Variants in FRAS1 observed in about 807,000 individuals in gnomAD.
FRAS1 encodes the protein extracellular matrix organizing protein FRAS1.
Under a neutral mutation model 435.2 loss-of-function variants are expected in FRAS1, and 290 were observed. That is an observed-to-expected ratio of 0.67 (90% CI 0.61 to 0.73). The LOEUF (loss-of-function observed/expected upper bound fraction) is 0.73. Ranked by LOEUF, FRAS1 falls within the 30% of genes least tolerant of loss-of-function variation. The pLI, the probability that FRAS1 is intolerant of heterozygous loss-of-function variation, is 0.00. For synonymous variants in FRAS1, 1,800 were observed against 1,851.0 expected (o/e 0.97, Z 0.71); for missense variants, 4,860 against 5,001.5 (o/e 0.97, Z 0.85).
At chr4:78,323,698 C>T (rs549119072) in intron 18 of FRAS1, among the ~76,000 whole-genome samples, 3 of 152,182 alleles carry the variant, frequency 2.0e-5, no homozygotes, top group South Asian at 2.1e-4. Context: ...TGTGGCAGTA[C>T]GTGGCAGCCC....
chr4:78,387,125 A>G (rs1272826850), intron 28 of FRAS1, among the ~76,000 whole-genome samples: 1 of 152,188 alleles, frequency 6.6e-6, no homozygotes, highest in Non-Finnish European at 1.5e-5. Context: ...AGCAGCTCTC[A>G]CCAGTTGTCT....
At chr4:78,392,700 G>A (rs1732495242) in intron 29 of FRAS1, among the ~76,000 whole-genome samples, 3 of 150,650 alleles carry the variant, frequency 2.0e-5, no homozygotes, top group East Asian at 1.9e-4. Context: ...GCCTGCTAAT[G>A]TGGTCCTCTG....
intron 2 of FRAS1, among the ~76,000 whole-genome samples, chr4:78,114,598 T>C (rs1185073182): frequency 1.3e-5 from 2 of 152,106 alleles, no homozygotes; most frequent in East Asian, 1.9e-4. Context: ...CAATTGTGAA[T>C]GGGGGTTCAC....
At chr4:78,533,258 T>A (rs1721777794) in intron 70 of FRAS1, among the ~76,000 whole-genome samples, 1 of 152,256 alleles carries the variant, frequency 6.6e-6, no homozygotes. Context: ...ATCATGTTTT[T>A]CTGTTTCGTC....
At chr4:78,224,724 G>C (rs1304790247) in intron 2 of FRAS1, among the ~76,000 whole-genome samples, 1 of 152,008 alleles carries the variant, frequency 6.6e-6, no homozygotes, top group African/African-American at 2.4e-5. Flanking sequence ...TTGAGATAGG[G>C]TCTCACTATG....
At chr4:78,275,576 C>A (rs1578222027) in intron 9 of FRAS1, among the ~76,000 whole-genome samples, 1 of 152,236 alleles carries the variant, frequency 6.6e-6, no homozygotes, top group South Asian at 2.1e-4. Flanking sequence ...ACTTACGAAG[C>A]TTAGTTTGGC....
At chr4:78,183,797 A>G (rs534573413) in intron 2 of FRAS1, among the ~76,000 whole-genome samples, 2 of 150,218 alleles carry the variant, frequency 1.3e-5, no homozygotes, top group East Asian at 3.9e-4. Context: ...ATAGCCATAC[A>G]GAGTTCTAGA....
intron 2 of FRAS1, among the ~76,000 whole-genome samples, chr4:78,155,332 A>G (rs1277295846): frequency 1.3e-5 from 2 of 152,216 alleles, no homozygotes; most frequent in Non-Finnish European, 2.9e-5. Flanking sequence ...TAATGTAAGA[A>G]AAAAGATTGT....
intron 13 of FRAS1, 41 bp from the exon 14 acceptor site, chr4:78,286,363 CA>C: frequency 6.2e-7 from 1 of 1,611,066 alleles, no homozygotes; most frequent in African/African-American, 1.3e-5. Flanking sequence ...TTCAGCTAAT[CA>C]AATGGTTCCT....
chr4:78,244,444 G>A (rs1230670979), intron 3 of FRAS1, among the ~76,000 whole-genome samples: 1 of 152,140 alleles, frequency 6.6e-6, no homozygotes, highest in Non-Finnish European at 1.5e-5. Context: ...CCTAAGTAGA[G>A]GAGCAGCATG....
chr4:78,275,788 G>A (rs566898139), intron 9 of FRAS1, among the ~76,000 whole-genome samples: 1 of 152,216 alleles, frequency 6.6e-6, no homozygotes, highest in Admixed American at 6.5e-5. Flanking sequence ...TGACAATTAT[G>A]TGTCTTGGGG....
intron 2 of FRAS1, among the ~76,000 whole-genome samples, chr4:78,092,804 T>C (rs2058629858): frequency 6.6e-6 from 1 of 152,206 alleles, no homozygotes; most frequent in Non-Finnish European, 1.5e-5. Context: ...CCACCCCAGA[T>C]GCATCGATAG....
chr4:78,255,215 G>C, intron 5 of FRAS1, 27 bp from the exon 6 acceptor site: 1 of 1,551,430 alleles, frequency 6.4e-7, no homozygotes, highest in Non-Finnish European at 8.7e-7. Context: ...CATCCCCCTA[G>C]TAATCCTTGT....
intron 44 of FRAS1, among the ~76,000 whole-genome samples, chr4:78,449,147 G>A (rs977291917): frequency 1.3e-5 from 2 of 152,080 alleles, no homozygotes; most frequent in East Asian, 1.9e-4. Flanking sequence ...TCAGAAATAC[G>A]GCACTCTTGT....
chr4:78,373,777 T>TAAC (rs756556322), intron 24 of FRAS1, among the ~76,000 whole-genome samples: 1 of 146,218 alleles, frequency 6.8e-6, no homozygotes, highest in African/African-American at 2.7e-5. Flanking sequence ...CCGTCTTAAA[T>TAAC]AATAATAATA....
At chr4:78,500,358 G>T (rs1720637905) in intron 61 of FRAS1, among the ~76,000 whole-genome samples, 1 of 152,168 alleles carries the variant, frequency 6.6e-6, no homozygotes, top group African/African-American at 2.4e-5. Context: ...CCCAGTTTTG[G>T]ACTTTCCAAA....
At chr4:78,522,943 G>T (rs974306999) in intron 69 of FRAS1, 135 bp downstream of exon 69, 1 of 855,870 alleles carries the variant, frequency 1.2e-6, no homozygotes, top group Non-Finnish European at 1.7e-6. Flanking sequence ...ATAACCCTCA[G>T]CTGGGAGTAG....
chr4:78,445,944 G>T, intron 42 of FRAS1: 1 of 1,305,200 alleles, frequency 7.7e-7, no homozygotes, highest in Non-Finnish European at 9.7e-7. Flanking sequence ...TATTTGTTCG[G>T]TGTGAAAAAC....
At chr4:78,335,426 A>G (rs1730134300) in intron 19 of FRAS1, among the ~76,000 whole-genome samples, 1 of 152,208 alleles carries the variant, frequency 6.6e-6, no homozygotes, top group Non-Finnish European at 1.5e-5. Flanking sequence ...GAGTATTTCA[A>G]GAGACCTAAG....
Sources: gnomAD v4.1 joint callset for allele counts (sites outside exome capture counted in the v4.1 genomes callset) on GRCh38, gnomAD v4.1.1 for gene constraint, MANE v1.5 for transcripts, NCBI Gene and HGNC (gene_info 2026-07-23, HGNC 2026-07-21) for gene names.